Variants in SHISA9 observed in about 807,000 individuals in gnomAD.
SHISA9 encodes shisa family member 9.
Under a neutral mutation model 38.0 loss-of-function variants are expected in SHISA9, and 13 were observed. That is an observed-to-expected ratio of 0.34 (90% CI 0.22 to 0.54). SHISA9 has a LOEUF of 0.54. SHISA9 is among the 20% of genes least tolerant of loss of function. The pLI is 0.91. For synonymous variants in SHISA9, 275 were observed against 242.0 expected (o/e 1.14, Z -1.27); for missense variants, 538 against 575.8 (o/e 0.93, Z 0.67).
chr16:12,942,335 A>G (rs2071622309), intron 2 of SHISA9, among the ~76,000 whole-genome samples: 1 of 152,130 alleles, frequency 6.6e-6, no homozygotes, highest in African/African-American at 2.4e-5. Context: ...TTGTGGCTAA[A>G]ATGTTTGGGG....
the SHISA9 span, among the ~76,000 whole-genome samples, chr16:13,426,272 G>A: frequency 6.6e-6 from 1 of 152,146 alleles, no homozygotes; most frequent in South Asian, 2.1e-4. Context: ...AATTTTATGA[G>A]ATCGGCCCCA....
intron 2 of SHISA9, among the ~76,000 whole-genome samples, chr16:13,139,522 C>T (rs544830558): frequency 6.6e-5 from 10 of 150,932 alleles, no homozygotes; most frequent in Middle Eastern, 3.4e-3. Flanking sequence ...TTTACTTTAT[C>T]GGTAAAGTAG....
the SHISA9 span, among the ~76,000 whole-genome samples, chr16:13,353,636 A>C: frequency 3.3e-5 from 5 of 152,090 alleles, no homozygotes. Context: ...CTGGGGCCTA[A>C]TAACAAGGAG....
At chr16:13,520,913 C>A in the SHISA9 span, among the ~76,000 whole-genome samples, 1 of 152,264 alleles carries the variant, frequency 6.6e-6, no homozygotes, top group Admixed American at 6.5e-5. Flanking sequence ...CTGACACATG[C>A]ACACATTGTG....
chr16:13,551,704 C>T, the SHISA9 span, among the ~76,000 whole-genome samples: 2 of 152,180 alleles, frequency 1.3e-5, no homozygotes, highest in Non-Finnish European at 2.9e-5. Context: ...GGGCTTCATA[C>T]TGCTTTCCTG....
the SHISA9 span, among the ~76,000 whole-genome samples, chr16:13,465,989 C>T: frequency 6.6e-6 from 1 of 152,224 alleles, no homozygotes; most frequent in Non-Finnish European, 1.5e-5. Flanking sequence ...TGCAATCTGC[C>T]CCTTTACGGA....
chr16:13,149,828 G>A (rs894760402), intron 2 of SHISA9, among the ~76,000 whole-genome samples: 19 of 151,052 alleles, frequency 1.3e-4, no homozygotes, highest in Admixed American at 1.2e-3. Flanking sequence ...AGGAGGCTGA[G>A]GCACAAGAAT....
intron 2 of SHISA9, among the ~76,000 whole-genome samples, chr16:12,979,112 AC>A (rs1270007676): frequency 6.6e-6 from 1 of 151,956 alleles, no homozygotes; most frequent in Non-Finnish European, 1.5e-5. Context: ...TTCAGACACC[AC>A]CCTCTCCTTG....
chr16:13,194,933 G>A (rs527928791), intron 2 of SHISA9, among the ~76,000 whole-genome samples: 3 of 152,292 alleles, frequency 2.0e-5, no homozygotes, highest in Admixed American at 2.0e-4. Flanking sequence ...ATAATCGAGG[G>A]AGGAAGCTAG....
intron 2 of SHISA9, among the ~76,000 whole-genome samples, chr16:13,172,928 C>T (rs536084306): frequency 1.3e-5 from 2 of 151,980 alleles, no homozygotes; most frequent in African/African-American, 2.4e-5. Flanking sequence ...TCTTACTTCC[C>T]GATCTGTTCA....
chr16:13,436,901 T>G, the SHISA9 span, among the ~76,000 whole-genome samples: 1 of 152,220 alleles, frequency 6.6e-6, no homozygotes, highest in African/African-American at 2.4e-5. Flanking sequence ...ACGGGCTTAA[T>G]CAGGGTAACC....
the SHISA9 span, among the ~76,000 whole-genome samples, chr16:13,374,659 A>G: frequency 2.0e-5 from 3 of 152,196 alleles, no homozygotes; most frequent in Admixed American, 6.5e-5. Context: ...AGCATGATTT[A>G]TAGTTCTTTG....
chr16:13,351,320 C>T, the SHISA9 span, among the ~76,000 whole-genome samples: 2 of 152,280 alleles, frequency 1.3e-5, no homozygotes, highest in African/African-American at 4.8e-5. Context: ...GGCAGCTGCT[C>T]CCAGGTAAAC....
the SHISA9 span, among the ~76,000 whole-genome samples, chr16:13,417,195 C>T: frequency 0.08 from 12,107 of 152,216 alleles, 664 homozygotes; most frequent in South Asian, 0.2. Context: ...CTATTAACAT[C>T]AGCACGGGAT....
intron 2 of SHISA9, among the ~76,000 whole-genome samples, chr16:12,947,055 C>T (rs537148216): frequency 6.6e-6 from 1 of 151,878 alleles, no homozygotes; most frequent in African/African-American, 2.4e-5. Context: ...AGCATTTGGT[C>T]GAGGGGAATA....
intron 2 of SHISA9, among the ~76,000 whole-genome samples, chr16:13,016,841 G>A (rs965270993): frequency 6.6e-6 from 1 of 151,992 alleles, no homozygotes; most frequent in African/African-American, 2.4e-5. Flanking sequence ...CACACTTTGG[G>A]GACATTAAAA....
At chr16:13,163,509 TC>T (rs2050612707) in intron 2 of SHISA9, among the ~76,000 whole-genome samples, 1 of 152,184 alleles carries the variant, frequency 6.6e-6, no homozygotes, top group South Asian at 2.1e-4. Context: ...ATATAATGTG[TC>T]CTTTTTTCTC....
At position 13,203,568 on chromosome 16, in the gene SHISA9, AT is replaced by A; in HGVS notation, c.847+20del. On this transcript the variant is annotated intron_variant, in intron 3 of 4. Transcript: ENST00000558583. The stretch of plus-strand genomic sequence containing the variant: ...GCAGTCGGTAAGTGCCACCTGATGG[AT>A]CTTTTTCTCTTTCTCCTCTTCGCTC... The A allele has an allele frequency of 6.8e-7, 1 of 1,472,566 alleles. No homozygotes were observed. Among genetic ancestry groups the A allele is most frequent in the Non-Finnish European group, 9.0e-7 (1 of 1,108,714 alleles). The allele number at this position is 1,472,566 out of a possible 1,614,324, so 91.2% of individuals were successfully genotyped here. A position where few individuals can be genotyped will look rare whatever the true frequency, so the allele number is the denominator to read the frequency against.
At chr16:13,015,159 T>A (rs908380911) in intron 2 of SHISA9, among the ~76,000 whole-genome samples, 1 of 152,230 alleles carries the variant, frequency 6.6e-6, no homozygotes, top group Non-Finnish European at 1.5e-5. Context: ...GCCTGCCGCC[T>A]GTTTTATTTT....
Sources: gnomAD v4.1 joint callset for allele counts (sites outside exome capture counted in the v4.1 genomes callset) on GRCh38, gnomAD v4.1.1 for gene constraint, MANE v1.5 for transcripts, NCBI Gene and HGNC (gene_info 2026-07-23, HGNC 2026-07-21) for gene names.